Variants in DIAPH2 observed in about 807,000 individuals in gnomAD.
DIAPH2 encodes protein diaphanous homolog 2.
A neutral mutation model predicts 92.7 loss-of-function variants in DIAPH2; 35 were observed. That is an observed-to-expected ratio of 0.38 (90% CI 0.29 to 0.50). DIAPH2 has a LOEUF of 0.50. Ranked by LOEUF, DIAPH2 falls within the 20% of genes least tolerant of loss-of-function variation. The pLI, the probability that DIAPH2 is intolerant of heterozygous loss-of-function variation, is 0.94. For synonymous variants in DIAPH2, 301 were observed against 280.4 expected (o/e 1.07, Z -0.73); for missense variants, 701 against 819.5 (o/e 0.86, Z 1.77).
At chrX:97,230,533 A>C (rs183662834) in intron 22 of DIAPH2, among the ~76,000 whole-genome samples, 1 of 111,973 alleles carries the variant, frequency 8.9e-6, no homozygotes, top group East Asian at 2.8e-4. Context: ...AACATTTTAC[A>C]AAGAGTCACA....
chrX:97,384,374 C>T (rs754718457), intron 25 of DIAPH2, among the ~76,000 whole-genome samples: 35 of 111,713 alleles, frequency 3.1e-4, no homozygotes, highest in African/African-American at 1.0e-3. Flanking sequence ...GGGAGATAAG[C>T]CTTAGCTTTT....
intron 22 of DIAPH2, among the ~76,000 whole-genome samples, chrX:97,203,842 A>G (rs1479911698): frequency 8.9e-6 from 1 of 111,896 alleles, no homozygotes; most frequent in African/African-American, 3.2e-5. Context: ...CGATCCTGAT[A>G]CCAAAATGTG....
chrX:96,757,951 C>T (rs760871595), intron 3 of DIAPH2, among the ~76,000 whole-genome samples: 3 of 111,430 alleles, frequency 2.7e-5, no homozygotes, highest in South Asian at 3.7e-4. Context: ...AGATGTGAAC[C>T]GTGAATACAT....
intron 17 of DIAPH2, among the ~76,000 whole-genome samples, chrX:96,990,061 G>A (rs1253201038): frequency 2.7e-5 from 3 of 111,990 alleles, no homozygotes; most frequent in Non-Finnish European, 5.6e-5. Context: ...TCAGCTGTTT[G>A]TACATGTCCC....
chrX:97,177,674 C>T (rs756736528), intron 22 of DIAPH2, among the ~76,000 whole-genome samples: 9 of 101,696 alleles, frequency 8.8e-5, no homozygotes, highest in East Asian at 3.1e-4. Context: ...ATTTTTTCTA[C>T]GTCTCTTTTT....
intron 17 of DIAPH2, among the ~76,000 whole-genome samples, chrX:97,015,898 C>G (rs1334123398): frequency 3.6e-5 from 4 of 110,276 alleles, no homozygotes. Flanking sequence ...ATACACTAAC[C>G]TATATATTGA....
At chrX:96,934,977 T>G (rs2065647788) in intron 10 of DIAPH2, among the ~76,000 whole-genome samples, 1 of 111,997 alleles carries the variant, frequency 8.9e-6, no homozygotes, top group Non-Finnish European at 1.9e-5. Flanking sequence ...GTTGTTTGAC[T>G]GTTAATCAGC....
At chrX:97,112,227 C>T (rs5921338) in intron 20 of DIAPH2, among the ~76,000 whole-genome samples, 4,607 of 111,666 alleles carry the variant, frequency 0.041, 73 homozygotes, top group Middle Eastern at 0.069. Context: ...CCTTGTCCAT[C>T]TGGGACCAAG....
chrX:97,515,376 C>G, intron 26 of DIAPH2, among the ~76,000 whole-genome samples: 1 of 112,569 alleles, frequency 8.9e-6, no homozygotes, highest in East Asian at 2.8e-4. Flanking sequence ...GGCTTGCGCA[C>G]GGTGCGCGCA....
intron 25 of DIAPH2, among the ~76,000 whole-genome samples, chrX:97,407,099 T>C (rs1440781055): frequency 8.9e-6 from 1 of 111,808 alleles, no homozygotes; most frequent in Non-Finnish European, 1.9e-5. Flanking sequence ...TTATCTGAGA[T>C]AATTTATCAG....
Position 96,962,456 on chromosome X carries a change from CAT to C in DIAPH2, c.1936-2627_1936-2626del, listed in dbSNP as rs372816960. 5.5e-3 allele frequency among the ~76,000 whole-genome samples: 318 copies of C among 57,467 alleles called. 23 individuals carry two copies. The highest frequency in any genetic ancestry group is 0.014 in the African/African-American group (183 of 12,761). 49.9% of individuals were successfully genotyped at this position (57,467 alleles called of 115,157 possible). A position where few individuals can be genotyped will look rare whatever the true frequency, so the allele number is the denominator to read the frequency against. ...ATATATATATACATATATACACACA[CAT>C]ATATATATACATATATATATACACA... On this transcript the variant is annotated intron_variant, in intron 16 of 26. Transcript: ENST00000324765.
chrX:97,398,861 C>G (rs1327028243), intron 25 of DIAPH2, among the ~76,000 whole-genome samples: 1 of 108,612 alleles, frequency 9.2e-6, no homozygotes, highest in East Asian at 2.9e-4. Flanking sequence ...AATTCTCTGC[C>G]TCAGCCTCCT....
At chrX:96,793,855 A>G (rs1465341906) in intron 4 of DIAPH2, among the ~76,000 whole-genome samples, 1 of 112,074 alleles carries the variant, frequency 8.9e-6, no homozygotes, top group Non-Finnish European at 1.9e-5. Flanking sequence ...AGTGTGGTGC[A>G]CAGTAAATAA....
At chrX:96,891,855 C>T (rs1239006358) in intron 5 of DIAPH2, among the ~76,000 whole-genome samples, 2 of 111,919 alleles carry the variant, frequency 1.8e-5, no homozygotes, top group Admixed American at 9.5e-5. Flanking sequence ...ATGATAGCTT[C>T]CTCAGCCAAT....
intron 4 of DIAPH2, among the ~76,000 whole-genome samples, chrX:96,779,614 T>TA (rs1437394438): frequency 1.8e-5 from 2 of 112,622 alleles, no homozygotes; most frequent in Non-Finnish European, 3.8e-5. Context: ...TTCAGATTGC[T>TA]ATTTGAATTA....
rs1352628446 is a variant in DIAPH2 at position 97,354,571 on chromosome X, G to A, written c.3009+6291G>A. Among the ~76,000 whole-genome samples the A allele has an allele frequency of 5.9e-4, 66 of 111,664 alleles. 2 individuals are homozygous for A. The highest frequency in any genetic ancestry group is 3.8e-5 in the Non-Finnish European group (2 of 53,119). ...TATTTTTAGTAGGAGACGGGGTTTC[G>A]CCATGTTGGCCAGGCTGGTCTCAAA... On this transcript the variant is annotated intron_variant, in intron 24 of 26. Coordinates refer to ENST00000324765, the MANE Select transcript of DIAPH2 (RefSeq NM_006729.5).
At chrX:97,147,487 G>T (rs1024658098) in intron 22 of DIAPH2, among the ~76,000 whole-genome samples, 2 of 110,138 alleles carry the variant, frequency 1.8e-5, no homozygotes, top group African/African-American at 6.6e-5. Flanking sequence ...TCCCCCTGTG[G>T]CTATCACTTT....
intron 4 of DIAPH2, among the ~76,000 whole-genome samples, chrX:96,775,353 TTGTG>T (rs60441028): frequency 0.022 from 1,959 of 89,282 alleles, 28 homozygotes; most frequent in South Asian, 0.081. Flanking sequence ...CAACGTGTGC[TTGTG>T]TGTGTGTGTG....
At chrX:97,296,376 A>G (rs761443414) in intron 23 of DIAPH2, among the ~76,000 whole-genome samples, 261 of 111,983 alleles carry the variant, frequency 2.3e-3, no homozygotes, top group African/African-American at 8.1e-3. Context: ...GTATTAATTT[A>G]TCTATGCCTG....
Sources: gnomAD v4.1 joint callset for allele counts (sites outside exome capture counted in the v4.1 genomes callset) on GRCh38, gnomAD v4.1.1 for gene constraint, MANE v1.5 for transcripts, NCBI Gene and HGNC (gene_info 2026-07-23, HGNC 2026-07-21) for gene names.